SDK1: variants seen among roughly 807,000 people sequenced by gnomAD.
SDK1 encodes protein sidekick-1.
A neutral mutation model predicts 245.5 loss-of-function variants in SDK1; 157 were observed. The observed-to-expected ratio is 0.64, with a 90% CI of 0.56 to 0.73. SDK1 has a LOEUF of 0.73. Among genes scored for constraint, SDK1 ranks in the 30% least tolerant of loss-of-function variants. The pLI is 0.00. For missense variants in SDK1, 3,583 were observed against 3,002.3 expected (o/e 1.19, Z -4.52); for synonymous variants, 1,647 against 1,278.5 (o/e 1.29, Z -6.15).
intron 22 of SDK1, among the ~76,000 whole-genome samples, chr7:4,095,029 A>T (rs1782057087): frequency 6.6e-6 from 1 of 152,234 alleles, no homozygotes. Context: ...CTCTGGCCTG[A>T]GGGTGTGACT....
At chr7:3,979,960 C>G (rs972828641) in intron 13 of SDK1, among the ~76,000 whole-genome samples, 2 of 152,178 alleles carry the variant, frequency 1.3e-5, no homozygotes, top group Non-Finnish European at 2.9e-5. Context: ...GACTTGGAGA[C>G]CCTGAGGCAT....
intron 1 of SDK1, among the ~76,000 whole-genome samples, chr7:3,404,283 A>G (rs1454247582): frequency 2.0e-5 from 3 of 152,140 alleles, no homozygotes; most frequent in African/African-American, 7.2e-5. Flanking sequence ...GTGTGCCTAT[A>G]TATGTTTCTG....
chr7:4,237,245 C>G (rs1383970640), intron 41 of SDK1, among the ~76,000 whole-genome samples: 2 of 151,862 alleles, frequency 1.3e-5, no homozygotes, highest in African/African-American at 2.4e-5. Context: ...GAGATGGGAT[C>G]TCACTACATT....
chr7:4,261,851 C>G (rs1450874237), intron 44 of SDK1, among the ~76,000 whole-genome samples: 2 of 151,996 alleles, frequency 1.3e-5, no homozygotes, highest in Non-Finnish European at 2.9e-5. Context: ...GCCTTGGTCT[C>G]TGTGCCACCA....
intron 17 of SDK1, among the ~76,000 whole-genome samples, chr7:4,046,113 G>C (rs1045915821): frequency 1.3e-5 from 2 of 150,718 alleles, no homozygotes; most frequent in African/African-American, 4.9e-5. Context: ...TTTTAATTTT[G>C]TAATTCTTTG....
chr7:3,727,508 T>G (rs1779043978), intron 4 of SDK1, among the ~76,000 whole-genome samples: 1 of 152,148 alleles, frequency 6.6e-6, no homozygotes, highest in African/African-American at 2.4e-5. Context: ...TCTTTTTTTT[T>G]GAGACGGAGC....
intron 1 of SDK1, among the ~76,000 whole-genome samples, chr7:3,612,539 C>G (rs952806462): frequency 7.2e-5 from 11 of 152,278 alleles, no homozygotes; most frequent in African/African-American, 2.4e-4. Flanking sequence ...CCACATTTCT[C>G]AGAATAGTTG....
intron 16 of SDK1, among the ~76,000 whole-genome samples, chr7:4,012,505 G>C (rs1321321234): frequency 6.8e-6 from 1 of 147,558 alleles, no homozygotes; most frequent in African/African-American, 2.5e-5. Context: ...GAGAATGGAG[G>C]GGGTATTAGG....
chr7:3,491,776 C>T (rs1004391393), intron 1 of SDK1, among the ~76,000 whole-genome samples: 10 of 152,166 alleles, frequency 6.6e-5, no homozygotes, highest in Non-Finnish European at 1.0e-4. Flanking sequence ...ATACAAATTT[C>T]GTTGGCAAGA....
chr7:3,311,855 A>C (rs1779558359), intron 1 of SDK1, among the ~76,000 whole-genome samples: 1 of 152,214 alleles, frequency 6.6e-6, no homozygotes, highest in South Asian at 2.1e-4. Context: ...CTAGGGCGTT[A>C]ATCAGGAGCT....
At position 3,529,260 on chromosome 7, in the gene SDK1, A is replaced by T. The variant is rs527427857; in HGVS notation, c.299-89820A>T. Among the ~76,000 whole-genome samples the T allele has an allele frequency of 3.0e-4, 46 of 152,322 alleles. 1 individual carries two copies. The highest frequency in any genetic ancestry group is 5.3e-4 in the Non-Finnish European group (36 of 68,028). On this transcript the variant is annotated intron_variant, in intron 1 of 44. Transcript: ENST00000404826. ...GCCTAGGAGCAGTCAATCACTTATCAGCAGTGAGTTTGCCAACTGCCTAGA... is the reference window on the plus strand; with the variant it reads ...GCCTAGGAGCAGTCAATCACTTATCTGCAGTGAGTTTGCCAACTGCCTAGA...
chr7:3,326,726 G>T (rs1306835467), intron 1 of SDK1, among the ~76,000 whole-genome samples: 2 of 151,946 alleles, frequency 1.3e-5, no homozygotes, highest in African/African-American at 4.8e-5. Context: ...TGCAATGGTA[G>T]AGTATGCATC....
intron 4 of SDK1, among the ~76,000 whole-genome samples, chr7:3,779,631 T>C (rs138378347): frequency 5.9e-5 from 9 of 152,232 alleles, no homozygotes; most frequent in African/African-American, 1.9e-4. Context: ...ATTCAAAAAA[T>C]AATAAAGTTA....
chr7:3,943,193 A>T (rs1367240741), intron 5 of SDK1, among the ~76,000 whole-genome samples: 1 of 152,158 alleles, frequency 6.6e-6, no homozygotes, highest in Non-Finnish European at 1.5e-5. Flanking sequence ...CTTTTCCTGA[A>T]AATAGAAGGC....
chr7:3,737,656 G>A (rs1056940610), intron 4 of SDK1, among the ~76,000 whole-genome samples: 3 of 152,198 alleles, frequency 2.0e-5, no homozygotes, highest in African/African-American at 4.8e-5. Flanking sequence ...TGAGATACAC[G>A]AGCTAGTTGC....
At chr7:3,789,495 AC>A in intron 4 of SDK1, among the ~76,000 whole-genome samples, 1 of 152,258 alleles carries the variant, frequency 6.6e-6, no homozygotes, top group Middle Eastern at 3.4e-3. Flanking sequence ...TTCCTAAGCA[AC>A]CCTTCTTAAA....
chr7:3,526,309 C>T (rs1783129140), intron 1 of SDK1, among the ~76,000 whole-genome samples: 2 of 151,708 alleles, frequency 1.3e-5, no homozygotes, highest in African/African-American at 2.4e-5. Flanking sequence ...TATAATTTAC[C>T]ATGGATTTTT....
intron 1 of SDK1, among the ~76,000 whole-genome samples, chr7:3,452,187 C>T (rs1780534594): frequency 6.6e-6 from 1 of 152,110 alleles, no homozygotes; most frequent in South Asian, 2.1e-4. Flanking sequence ...TGTCAGCTTT[C>T]TTTAGGACAG....
At chr7:3,429,236 A>AT (rs1333885594) in intron 1 of SDK1, among the ~76,000 whole-genome samples, 10 of 63,146 alleles carry the variant, frequency 1.6e-4, no homozygotes, top group South Asian at 7.1e-4. Flanking sequence ...AAAAAATATG[A>AT]TAAAAGGCTT....
Sources: gnomAD v4.1 joint callset for allele counts (sites outside exome capture counted in the v4.1 genomes callset) on GRCh38, gnomAD v4.1.1 for gene constraint, MANE v1.5 for transcripts, NCBI Gene and HGNC (gene_info 2026-07-23, HGNC 2026-07-21) for gene names.